GRIK1: variants seen among roughly 807,000 people sequenced by gnomAD.
The protein encoded by GRIK1 is glutamate receptor ionotropic, kainate 1.
A neutral mutation model predicts 105.7 loss-of-function variants in GRIK1; 69 were observed. The ratio of observed to expected loss-of-function variants is 0.65; its 90% CI spans 0.54 to 0.80. The LOEUF (loss-of-function observed/expected upper bound fraction) is 0.80. GRIK1 is among the 30% of genes least tolerant of loss of function. GRIK1 has a pLI of 0.00. For synonymous variants in GRIK1, 438 were observed against 431.3 expected (o/e 1.02, Z -0.19); for missense variants, 1,109 against 1,167.3 (o/e 0.95, Z 0.73).
At chr21:29,828,230 A>G (rs955047788) in intron 1 of GRIK1, among the ~76,000 whole-genome samples, 4 of 151,996 alleles carry the variant, frequency 2.6e-5, no homozygotes, top group African/African-American at 9.7e-5. Flanking sequence ...GGAGGGCACT[A>G]CACAAGGAAG....
At chr21:29,934,275 C>T (rs2071671010) in intron 1 of GRIK1, among the ~76,000 whole-genome samples, 1 of 152,170 alleles carries the variant, frequency 6.6e-6, no homozygotes, top group Non-Finnish European at 1.5e-5. Context: ...ATAAATCACA[C>T]TCACTTTTAA....
chr21:29,613,371 T>C (rs911545110), intron 7 of GRIK1, among the ~76,000 whole-genome samples: 4 of 152,214 alleles, frequency 2.6e-5, no homozygotes, highest in Admixed American at 6.5e-5. Context: ...ACAAAATCAT[T>C]GGAACACTGT....
At chr21:29,614,266 G>A (rs79824932) in intron 7 of GRIK1, among the ~76,000 whole-genome samples, 5 of 152,200 alleles carry the variant, frequency 3.3e-5, no homozygotes, top group South Asian at 2.1e-4. Flanking sequence ...AGGCATTTAC[G>A]CTGATCTCTG....
At chr21:29,590,970 C>A in intron 10 of GRIK1, 142 bp downstream of exon 10, 1 of 672,614 alleles carries the variant, frequency 1.5e-6, no homozygotes, top group Non-Finnish European at 2.7e-6. Context: ...TAAGTATGTA[C>A]AAACACAGGC....
chr21:29,774,853 G>A (rs964030555), intron 1 of GRIK1, among the ~76,000 whole-genome samples: 2 of 152,140 alleles, frequency 1.3e-5, no homozygotes, highest in African/African-American at 2.4e-5. Flanking sequence ...ATCGGAGGAC[G>A]CTGAGCTTGG....
At chr21:29,685,778 G>T (rs549334976) in intron 3 of GRIK1, among the ~76,000 whole-genome samples, 1 of 152,120 alleles carries the variant, frequency 6.6e-6, no homozygotes, top group Non-Finnish European at 1.5e-5. Flanking sequence ...TCAGAAACAA[G>T]GTCTTTCTGA....
chr21:29,702,207 C>A (rs1327773988), intron 1 of GRIK1, among the ~76,000 whole-genome samples: 1 of 152,094 alleles, frequency 6.6e-6, no homozygotes, highest in Non-Finnish European at 1.5e-5. Context: ...AGGCTTAATA[C>A]TTGGGTGATG....
intron 1 of GRIK1, among the ~76,000 whole-genome samples, chr21:29,835,148 A>C (rs910958891): frequency 5.9e-5 from 9 of 152,110 alleles, no homozygotes; most frequent in African/African-American, 1.4e-4. Flanking sequence ...ATTCACTTGC[A>C]ACTCAACAGT....
Position 29,537,331 on chromosome 21 carries a change from T to C in GRIK1, c.2749A>G (p.Lys917Glu). ...EELGISLKNQ[K>E]KIKKKSRTKG... ...GTTCTTGACTTTTTCTTTATTTTTTTCTGATTCTTCAGTGAGATTCCCAGT... is the reference window on the plus strand; with the variant it reads ...GTTCTTGACTTTTTCTTTATTTTTTCCTGATTCTTCAGTGAGATTCCCAGT... The change falls in exon 18 of 18, where the codon AAA (lysine) becomes GAA (glutamate). Residue 917 changes from lysine to glutamate, a missense_variant. By Grantham distance (56) the Lys-to-Glu change is moderately conservative (BLOSUM62 1). Transcript: ENST00000327783. 6.2e-7 allele frequency: 1 copy of C among 1,611,904 alleles called. No individual in the cohort carries two copies. The highest frequency in any genetic ancestry group is 8.5e-7 in the Non-Finnish European group (1 of 1,178,458).
intron 3 of GRIK1, among the ~76,000 whole-genome samples, chr21:29,684,252 CTCTATCTATCTA>C (rs59976698): frequency 0.091 from 13,542 of 149,332 alleles, 708 homozygotes; most frequent in Non-Finnish European, 0.1. Context: ...AATCTATCAT[CTCTATCTATCTA>C]TCTATCTATC....
At chr21:29,600,192 AAAAT>A (rs953687057) in intron 7 of GRIK1, among the ~76,000 whole-genome samples, 10 of 152,196 alleles carry the variant, frequency 6.6e-5, no homozygotes, top group African/African-American at 1.9e-4. Flanking sequence ...CCCCATCTCA[AAAAT>A]CCTTAATCAC....
At chr21:29,658,705 T>G (rs1466816353) in intron 4 of GRIK1, among the ~76,000 whole-genome samples, 3 of 152,242 alleles carry the variant, frequency 2.0e-5, no homozygotes, top group Admixed American at 6.5e-5. Flanking sequence ...TCTATTGATT[T>G]TGGAAGATTA....
At chr21:29,805,249 C>A (rs963393226) in intron 1 of GRIK1, among the ~76,000 whole-genome samples, 4 of 152,158 alleles carry the variant, frequency 2.6e-5, no homozygotes, top group Non-Finnish European at 4.4e-5. Context: ...ATTCACAAAT[C>A]ATGTGATATG....
At chr21:29,895,844 G>GTGAA (rs1372766650) in intron 1 of GRIK1, among the ~76,000 whole-genome samples, 3 of 152,160 alleles carry the variant, frequency 2.0e-5, no homozygotes, top group African/African-American at 7.2e-5. Flanking sequence ...TTTCACATAC[G>GTGAA]TGAAATTCAG....
At chr21:29,585,037 G>C (rs578058900) in intron 12 of GRIK1, among the ~76,000 whole-genome samples, 1 of 152,114 alleles carries the variant, frequency 6.6e-6, no homozygotes, top group Non-Finnish European at 1.5e-5. Context: ...TCTGTATTTC[G>C]TCACTATACT....
At chr21:29,910,719 T>C (rs534191611) in intron 1 of GRIK1, among the ~76,000 whole-genome samples, 2 of 152,252 alleles carry the variant, frequency 1.3e-5, no homozygotes, top group East Asian at 3.9e-4. Flanking sequence ...TTATAGGACA[T>C]GTTGTACTGC....
intron 1 of GRIK1, among the ~76,000 whole-genome samples, chr21:29,878,712 A>G (rs1277310843): frequency 6.6e-6 from 1 of 152,180 alleles, no homozygotes. Context: ...AGCTCCCTCA[A>G]TCCTTCCATC....
chr21:29,747,400 C>T (rs901848269), intron 1 of GRIK1, among the ~76,000 whole-genome samples: 1 of 152,186 alleles, frequency 6.6e-6, no homozygotes, highest in African/African-American at 2.4e-5. Context: ...GTTCTCTTTA[C>T]ATGATCAGGA....
At chr21:29,827,037 C>CAGCTAGATCAT (rs1192340075) in intron 1 of GRIK1, among the ~76,000 whole-genome samples, 1 of 152,036 alleles carries the variant, frequency 6.6e-6, no homozygotes, top group Admixed American at 6.6e-5. Flanking sequence ...TAAAGTGATT[C>CAGCTAGATCAT]AGCTAGATCA....
Sources: gnomAD v4.1 joint callset for allele counts (sites outside exome capture counted in the v4.1 genomes callset) on GRCh38, gnomAD v4.1.1 for gene constraint, MANE v1.5 for transcripts, NCBI Gene and HGNC (gene_info 2026-07-23, HGNC 2026-07-21) for gene names.